Variants in DLGAP2 observed in about 807,000 individuals in gnomAD.
DLGAP2 encodes DLG associated protein 2.
Under a neutral mutation model 100.3 loss-of-function variants are expected in DLGAP2, and 26 were observed. The observed-to-expected ratio is 0.26, with a 90% CI of 0.19 to 0.36. The LOEUF (loss-of-function observed/expected upper bound fraction) is 0.36. Ranked by LOEUF, DLGAP2 falls within the 10% of genes least tolerant of loss-of-function variation. DLGAP2 has a pLI of 1.00. For synonymous variants in DLGAP2, 886 were observed against 630.1 expected (o/e 1.41, Z -6.08); for missense variants, 1,858 against 1,453.2 (o/e 1.28, Z -4.53).
chr8:1,188,117 A>G (rs1431866881), intron 2 of DLGAP2, among the ~76,000 whole-genome samples: 213 of 60,998 alleles, frequency 3.5e-3, no homozygotes, highest in Admixed American at 4.3e-3. Context: ...CCTCCGTGAC[A>G]TTTGCCTCAC....
At chr8:1,195,799 C>T (rs1398545327) in intron 2 of DLGAP2, among the ~76,000 whole-genome samples, 1 of 152,190 alleles carries the variant, frequency 6.6e-6, no homozygotes, top group Non-Finnish European at 1.5e-5. Flanking sequence ...GCGCGTTCCC[C>T]GGAGTGCGTG....
chr8:1,464,657 C>T (rs185052084), intron 3 of DLGAP2, among the ~76,000 whole-genome samples: 156 of 152,202 alleles, frequency 1.0e-3, no homozygotes, highest in Middle Eastern at 6.8e-3. Flanking sequence ...AGAGGGGAGA[C>T]AGGGCCAGGA....
chr8:1,158,145 C>G (rs944383674), intron 2 of DLGAP2, among the ~76,000 whole-genome samples: 2 of 152,240 alleles, frequency 1.3e-5, no homozygotes, highest in African/African-American at 4.8e-5. Flanking sequence ...AGCTATTAAT[C>G]TAAAGCTCAT....
At chr8:1,344,874 G>C (rs1801518722) in intron 3 of DLGAP2, among the ~76,000 whole-genome samples, 2 of 152,132 alleles carry the variant, frequency 1.3e-5, no homozygotes, top group African/African-American at 2.4e-5. Context: ...GACTATGAAG[G>C]CTGGCCTCCC....
intron 4 of DLGAP2, among the ~76,000 whole-genome samples, chr8:1,544,812 A>G (rs899653692): frequency 6.6e-6 from 1 of 150,584 alleles, no homozygotes; most frequent in Non-Finnish European, 1.5e-5. Flanking sequence ...GGCTCATTGC[A>G]ACTTCTGCCT....
At chr8:887,808 T>A (rs1461347565) in intron 1 of DLGAP2, among the ~76,000 whole-genome samples, 1 of 152,170 alleles carries the variant, frequency 6.6e-6, no homozygotes, top group Non-Finnish European at 1.5e-5. Flanking sequence ...CTTAACGTTT[T>A]TTTCTTCATT....
chr8:1,298,922 C>G (rs1422846653), intron 3 of DLGAP2, among the ~76,000 whole-genome samples: 1 of 151,910 alleles, frequency 6.6e-6, no homozygotes, highest in Non-Finnish European at 1.5e-5. Context: ...GGGGGGAGAA[C>G]CTCTTCCCAG....
intron 1 of DLGAP2, among the ~76,000 whole-genome samples, chr8:817,305 C>G (rs898144597): frequency 6.6e-6 from 1 of 152,128 alleles, no homozygotes; most frequent in South Asian, 2.1e-4. Flanking sequence ...AACTTGATTT[C>G]CAGAAGTCAT....
At chr8:1,613,185 A>C (rs1408268234) in intron 6 of DLGAP2, among the ~76,000 whole-genome samples, 5 of 144,874 alleles carry the variant, frequency 3.5e-5, no homozygotes, top group African/African-American at 7.8e-5. Context: ...AATGTGGCAC[A>C]TATACACCAT....
At chr8:886,857 A>G (rs986576566) in intron 1 of DLGAP2, among the ~76,000 whole-genome samples, 2 of 152,196 alleles carry the variant, frequency 1.3e-5, no homozygotes, top group African/African-American at 4.8e-5. Context: ...GATTGGGGGT[A>G]GAGAGTTCTG....
intron 2 of DLGAP2, among the ~76,000 whole-genome samples, chr8:1,062,333 G>C (rs545681504): frequency 1.3e-5 from 2 of 152,192 alleles, no homozygotes; most frequent in African/African-American, 2.4e-5. Flanking sequence ...CCGGGCTGTG[G>C]CTGACTGGAG....
intron 6 of DLGAP2, among the ~76,000 whole-genome samples, chr8:1,626,391 G>A (rs557685546): frequency 5.8e-4 from 67 of 115,436 alleles, no homozygotes; most frequent in African/African-American, 2.3e-3. Flanking sequence ...TGGGTTGGAC[G>A]GCTGTTCCCA....
intron 3 of DLGAP2, chr8:1,259,856 T>C (rs7000653): frequency 0.41 from 63,056 of 152,118 alleles, 13,430 homozygotes; most frequent in Admixed American, 0.51. Flanking sequence ...TTAATTCCCT[T>C]ATTTGGTGGT....
At chr8:1,352,751 C>T (rs1310027167) in intron 3 of DLGAP2, among the ~76,000 whole-genome samples, 1 of 152,136 alleles carries the variant, frequency 6.6e-6, no homozygotes, top group Admixed American at 6.5e-5. Context: ...ATGCATTTCT[C>T]CTGCCTTTCT....
At chr8:1,252,369 TGTG>T (rs1249545488) in intron 2 of DLGAP2, among the ~76,000 whole-genome samples, 1 of 144,622 alleles carries the variant, frequency 6.9e-6, no homozygotes, top group Non-Finnish European at 1.6e-5. Context: ...CTTGCCACAC[TGTG>T]GTGTTGTCAC....
chr8:1,036,277 T>C (rs913943374), intron 2 of DLGAP2, among the ~76,000 whole-genome samples: 1 of 152,264 alleles, frequency 6.6e-6, no homozygotes. Context: ...TTCACGTGTT[T>C]AATGAACACT....
intron 2 of DLGAP2, among the ~76,000 whole-genome samples, chr8:944,405 A>G (rs1482047082): frequency 6.7e-6 from 1 of 149,042 alleles, no homozygotes; most frequent in Admixed American, 6.6e-5. Context: ...GTGATCCAGC[A>G]GGTGGTAATT....
rs61481744 is a variant in DLGAP2 at position 866,243 on chromosome 8, C to T, written c.19-41669C>T. ...TTACCCCAGGCCTGTCCAGATCTTC[C>T]GGGGCCGTGCCGGTATCTCTCATGG... On this transcript the variant is annotated intron_variant, in intron 1 of 14. Transcript: ENST00000637795. Among the ~76,000 whole-genome samples the T allele has an allele frequency of 4.0e-3, 615 of 152,240 alleles. 3 individuals are homozygous for T. The highest frequency in any genetic ancestry group is 0.014 in the African/African-American group (566 of 41,550).
chr8:1,527,299 C>T (rs893494278), intron 4 of DLGAP2, among the ~76,000 whole-genome samples: 1 of 152,262 alleles, frequency 6.6e-6, no homozygotes, highest in African/African-American at 2.4e-5. Context: ...ACCATCCACC[C>T]GGCTCCAGCC....
Sources: allele counts gnomAD v4.1 joint callset (sites outside exome capture counted in the v4.1 genomes callset), GRCh38; gene constraint gnomAD v4.1.1; transcripts MANE v1.5; gene names NCBI Gene and HGNC (gene_info 2026-07-23, HGNC 2026-07-21).